Variants in ZNF727 observed in about 807,000 individuals in gnomAD.
ZNF727 encodes zinc finger protein 727, also known as putative zinc finger protein 727.
In ZNF727, 11 loss-of-function variants were observed where a neutral mutation model predicts 11.5. That is an observed-to-expected ratio of 0.95 (90% CI 0.60 to 1.58). ZNF727 has a LOEUF of 1.58. Ranked by LOEUF, ZNF727 falls within the 40% of genes most tolerant of loss-of-function variation. The pLI is 0.00. For synonymous variants in ZNF727, 171 were observed against 196.1 expected (o/e 0.87, Z 1.07); for missense variants, 533 against 581.7 (o/e 0.92, Z 0.86).
chr7:64,052,378 CTTTTTTTTTT>C (rs56215284), intron 1 of ZNF727, among the ~76,000 whole-genome samples: 4 of 130,396 alleles, frequency 3.1e-5, no homozygotes, highest in African/African-American at 1.1e-4. Context: ...ATTTCTCTCT[CTTTTTTTTTT>C]TTTTTTTTTT....
chr7:64,080,493 T>C lies in ZNF727; in HGVS notation c.*1944T>C, dbSNP rs1024545152. ...GGTTTTGTATTGTGTTTTTCAGTTC[T>C]ATCATGTTGGCCATATTTTTCTCTA... On this transcript the variant is annotated 3_prime_UTR_variant, in exon 4 of 4. Coordinates refer to ENST00000456806, the MANE Select transcript of ZNF727 (RefSeq NM_001159522.3). Among the ~76,000 whole-genome samples the C allele has an allele frequency of 2.6e-5, 4 of 152,202 alleles. No individual in the cohort carries two copies. The highest frequency in any genetic ancestry group is 9.6e-5 in the African/African-American group (4 of 41,460).
chr7:64,071,241 AT>A (rs565363480), intron 3 of ZNF727, among the ~76,000 whole-genome samples: 1 of 151,786 alleles, frequency 6.6e-6, no homozygotes, highest in South Asian at 2.1e-4. Context: ...AATGTACATC[AT>A]TTTTTTTCTT....
rs558158223 is a variant in ZNF727, at chr7:64,049,148, A to G, written c.3+3524A>G. ...TTTATTCTTGTATTATTATATTATTATTAAAGCTAATTTTAAGAAAACCTT... is the reference window on the plus strand; with the variant it reads ...TTTATTCTTGTATTATTATATTATTGTTAAAGCTAATTTTAAGAAAACCTT... On this transcript the variant is annotated intron_variant, in intron 1 of 3. Coordinates refer to ENST00000456806, the MANE Select transcript of ZNF727 (RefSeq NM_001159522.3). 3.3e-5 allele frequency among the ~76,000 whole-genome samples: 5 copies of G among 152,236 alleles called. No homozygotes were observed. The South Asian group carries it at 1.0e-3, about 32-fold the overall frequency.
At chr7:64,070,958 T>C (rs1789952065) in intron 3 of ZNF727, among the ~76,000 whole-genome samples, 1 of 152,068 alleles carries the variant, frequency 6.6e-6, no homozygotes, top group Admixed American at 6.6e-5. Flanking sequence ...TTTTATTATT[T>C]TTTATGGCTG....
chr7:64,048,908 T>C (rs750806529), intron 1 of ZNF727, among the ~76,000 whole-genome samples: 4 of 152,186 alleles, frequency 2.6e-5, no homozygotes, highest in African/African-American at 4.8e-5. Flanking sequence ...AACAGATTGG[T>C]GGCCAAGCCT....
chr7:64,067,967 A>G (rs1471161380), intron 1 of ZNF727, among the ~76,000 whole-genome samples: 1 of 152,178 alleles, frequency 6.6e-6, no homozygotes, highest in African/African-American at 2.4e-5. Context: ...ATTACAGAAC[A>G]TGAGAGATAT....
chr7:64,053,161 G>T (rs1789629053), intron 1 of ZNF727, among the ~76,000 whole-genome samples: 2 of 152,128 alleles, frequency 1.3e-5, no homozygotes, highest in African/African-American at 2.4e-5. Flanking sequence ...CAGAATGATA[G>T]GGTTTGACTG....
chr7:64,047,666 G>A (rs1390492610), intron 1 of ZNF727, among the ~76,000 whole-genome samples: 1 of 152,138 alleles, frequency 6.6e-6, no homozygotes, highest in Non-Finnish European at 1.5e-5. Flanking sequence ...GAGCCTCTCA[G>A]GGGAGCAGCT....
chr7:64,065,466 T>C (rs1282244634), intron 1 of ZNF727, among the ~76,000 whole-genome samples: 1 of 152,174 alleles, frequency 6.6e-6, no homozygotes, highest in Non-Finnish European at 1.5e-5. Flanking sequence ...TCTGCAATTC[T>C]AGGGCCTTCT....
rs1789917110 is a variant in ZNF727 at position 64,069,056 on chromosome 7, A to C, written c.130+39A>C. On this transcript the variant is annotated intron_variant, in intron 2 of 3. Transcript: ENST00000456806. ...CAATATACAACTCATATTCTACATT[A>C]AATATTTTATTTCCTCTTTTTTTTT... 3 of 1,491,608 alleles carry C rather than the reference A, an allele frequency of 2.0e-6. No homozygotes were observed. In the East Asian group the frequency reaches 7.5e-5, roughly 37 times the overall value. The allele number at this position is 1,491,608 out of a possible 1,614,324, so 92.4% of individuals were successfully genotyped here. A position where few individuals can be genotyped will look rare whatever the true frequency, so the allele number is the denominator to read the frequency against.
intron 3 of ZNF727, 78 bp downstream of exon 3, chr7:64,069,687 C>A: frequency 9.0e-7 from 1 of 1,110,974 alleles, no homozygotes. Flanking sequence ...TTGAAACATG[C>A]TTCCAGAAGC....
intron 1 of ZNF727, among the ~76,000 whole-genome samples, chr7:64,045,987 C>T (rs1288201554): frequency 2.0e-5 from 3 of 152,142 alleles, no homozygotes; most frequent in Admixed American, 6.6e-5. Context: ...TCCCCAGTCC[C>T]TCCTTTCTCC....
At chr7:64,070,619 C>T (rs546777934) in intron 3 of ZNF727, among the ~76,000 whole-genome samples, 12 of 152,026 alleles carry the variant, frequency 7.9e-5, no homozygotes, top group Admixed American at 5.9e-4. Flanking sequence ...TATAACCTTA[C>T]ATACTTACTT....
At chr7:64,075,569 T>G (rs1411300879) in intron 3 of ZNF727, among the ~76,000 whole-genome samples, 3 of 152,134 alleles carry the variant, frequency 2.0e-5, no homozygotes, top group African/African-American at 7.2e-5. Context: ...AAAAAAATTA[T>G]GCTCTTTGTA....
In ZNF727 at chr7:64,077,481, C is replaced by T; in HGVS notation, c.432C>T (p.Thr144=). Residue 144 remains threonine (T), a synonymous_variant, in exon 4 of 4, where the codon ACC becomes ACT. Transcript: ENST00000456806. The part of the protein sequence containing the change: ...HQCLSATRSK[T]CQYNKCGKAF... ...GTTTGTCAGCTACCCGTAGCAAAAC[C>T]TGTCAATATAATAAATGTGGCAAAG... The T allele has an allele frequency of 1.3e-6, 2 of 1,551,644 alleles. No individual in the cohort carries two copies. The highest frequency in any genetic ancestry group is 2.0e-5 in the Admixed American group (1 of 50,976).
intron 1 of ZNF727, among the ~76,000 whole-genome samples, chr7:64,058,589 C>T (rs921625524): frequency 5.9e-5 from 9 of 152,066 alleles, no homozygotes; most frequent in African/African-American, 2.2e-4. Flanking sequence ...AGAAATAAGC[C>T]AGAGCCTAAC....
At chr7:64,050,806 GTGTGTGTA>G (rs964443740) in intron 1 of ZNF727, among the ~76,000 whole-genome samples, 2 of 151,704 alleles carry the variant, frequency 1.3e-5, no homozygotes, top group African/African-American at 2.4e-5. Context: ...GTGTGTGTGT[GTGTGTGTA>G]TGTATGTATA....
rs1785770806 is a variant in ZNF727, at chr7:64,080,585, C to T, written c.*2036C>T. Among the ~76,000 whole-genome samples, 1 of 152,074 alleles carries T rather than the reference C, an allele frequency of 6.6e-6. No individual in the cohort carries two copies. Among genetic ancestry groups the T allele is most frequent in the Non-Finnish European group, 1.5e-5 (1 of 68,014 alleles). Reference sequence around the variant, plus strand: ...CTTCTTTGCATTGGGTTGCAACTTACCTTTGTAGATCAATGAAGTTTGCTT... The same window carrying T: ...CTTCTTTGCATTGGGTTGCAACTTATCTTTGTAGATCAATGAAGTTTGCTT... On this transcript the variant is annotated 3_prime_UTR_variant, in exon 4 of 4. Transcript: ENST00000456806.
intron 1 of ZNF727, among the ~76,000 whole-genome samples, chr7:64,062,748 T>G (rs796933806): frequency 5.7e-5 from 8 of 140,980 alleles, no homozygotes; most frequent in African/African-American, 1.8e-4. Context: ...CCCAGAACTT[T>G]TTCTCTACCT....
Sources: gnomAD v4.1 joint callset for allele counts (sites outside exome capture counted in the v4.1 genomes callset) on GRCh38, gnomAD v4.1.1 for gene constraint, MANE v1.5 for transcripts, NCBI Gene and HGNC (gene_info 2026-07-23, HGNC 2026-07-21) for gene names.